SLC6A7: variants seen among roughly 807,000 people sequenced by gnomAD.
SLC6A7 encodes the protein solute carrier family 6 member 7, also known as sodium-dependent proline transporter.
SLC6A7 carries 58 observed loss-of-function variants against 73.1 expected under a neutral mutation model. The ratio of observed to expected loss-of-function variants is 0.79; its 90% CI spans 0.64 to 0.99. The LOEUF (loss-of-function observed/expected upper bound fraction) is 0.99. Ranked by LOEUF, SLC6A7 falls within the 50% of genes least tolerant of loss-of-function variation. The probability of loss-of-function intolerance (pLI) is 0.00; values close to 1 mark genes in which losing one functional copy is unlikely to be tolerated. For missense variants in SLC6A7, 783 were observed against 831.4 expected, an observed-to-expected ratio of 0.94 and a Z score of 0.72; for synonymous variants, 338 against 338.7, an observed-to-expected ratio of 1.00 and a Z score of 0.02.
In SLC6A7 at chr5:150,202,603, C is replaced by A. The variant is rs1753442210; in HGVS notation, c.987C>A (p.Gly329=). ...IYRDTFIVTL[G]NAITSILAGF... ...GAGACACTTTCATCGTCACTCTGGG[C>A]AACGCCATCACCAGCATCCTGGCTG... is the stretch of plus-strand genomic sequence containing the variant. The change falls in exon 8 of 14, where the codon GGC becomes GGA. Residue 329 remains glycine (G), a synonymous_variant. Transcript: ENST00000230671. The A allele has an allele frequency of 6.2e-7, 1 of 1,614,212 alleles. No individual in the cohort carries two copies. The highest frequency in any genetic ancestry group is 8.5e-7 in the Non-Finnish European group (1 of 1,180,026).
In SLC6A7 at chr5:150,202,598, C is replaced by A; in HGVS notation, c.982C>A (p.Leu328Met). Residue 328 changes from leucine to methionine, a missense_variant, in exon 8 of 14, where the codon CTG becomes ATG. By Grantham distance (15) the Leu-to-Met change is conservative. Coordinates refer to ENST00000230671, the MANE Select transcript of SLC6A7 (RefSeq NM_014228.5). ...TGGTAGAGACACTTTCATCGTCACT[C>A]TGGGCAACGCCATCACCAGCATCCT... is the stretch of plus-strand genomic sequence containing the variant. ...NIYRDTFIVT[L>M]GNAITSILAG... 1 of 1,614,230 alleles carries A rather than the reference C, an allele frequency of 6.2e-7. No homozygotes were observed. Among genetic ancestry groups the A allele is most frequent in the Non-Finnish European group, 8.5e-7 (1 of 1,180,024 alleles).
chr5:150,209,269 C>G, intron 13 of SLC6A7, 137 bp from the exon 14 acceptor site: 1 of 715,358 alleles, frequency 1.4e-6, no homozygotes, highest in Non-Finnish European at 2.4e-6. Flanking sequence ...ATAGTGCCCC[C>G]CACTTCCCCG....
intron 8 of SLC6A7, 83 bp from the exon 9 acceptor site, chr5:150,203,584 G>C: frequency 1.4e-6 from 1 of 727,162 alleles, no homozygotes; most frequent in Non-Finnish European, 2.5e-6. Flanking sequence ...CCAAATGAGT[G>C]TAAGTGGCCG....
intron 5 of SLC6A7, among the ~76,000 whole-genome samples, chr5:150,200,585 G>A (rs141258495): frequency 2.6e-5 from 4 of 152,178 alleles, no homozygotes; most frequent in Non-Finnish European, 2.9e-5. Flanking sequence ...AGGTGCAGAC[G>A]ATACCAGAAG....
In SLC6A7 at chr5:150,209,647, C is replaced by A; in HGVS notation, c.*32C>A. On this transcript the variant is annotated 3_prime_UTR_variant, in exon 14 of 14. Transcript: ENST00000230671. ...AGGCAGGCGGGCAGAAGGCCCTGCC[C>A]GGGACCTCACAGTCCCTTCTTAGAA... 2.7e-6 allele frequency: 4 copies of A among 1,508,710 alleles called. No homozygotes were observed. The highest frequency in any genetic ancestry group is 1.2e-5 in the South Asian group (1 of 84,158). 93.5% of individuals were successfully genotyped at this position (1,508,710 alleles called of 1,614,324 possible). A position where few individuals can be genotyped will look rare whatever the true frequency, so the allele number is the denominator to read the frequency against.
In SLC6A7 at chr5:150,190,195, G is replaced by A. The variant is rs547415577; in HGVS notation, c.-133G>A. ...ACGCCCGCAGCCGCCAGACGGCAGCGCCTGCGTCCGTGCCCGCCCCAGCCG... is the reference window on the plus strand; with the variant it reads ...ACGCCCGCAGCCGCCAGACGGCAGCACCTGCGTCCGTGCCCGCCCCAGCCG... On this transcript the variant is annotated 5_prime_UTR_variant, in exon 1 of 14. Transcript: ENST00000230671. The A allele has an allele frequency of 5.9e-6, 4 of 673,858 alleles. No homozygotes were observed. Among genetic ancestry groups the A allele is most frequent in the Non-Finnish European group, 9.3e-6 (4 of 429,126 alleles). The allele number at this position is 673,858 out of a possible 1,614,324, so 41.7% of individuals were successfully genotyped here.
intron 1 of SLC6A7, among the ~76,000 whole-genome samples, chr5:150,193,424 G>A (rs1752872688): frequency 6.6e-6 from 1 of 152,168 alleles, no homozygotes; most frequent in Non-Finnish European, 1.5e-5. Flanking sequence ...CTGCTCATGA[G>A]CCAAAATTCA....
Position 150,197,215 on chromosome 5 carries a change from G to A in SLC6A7, c.523G>A (p.Gly175Ser), listed in dbSNP as rs541709107. 268 of 1,613,788 alleles carry A rather than the reference G, an allele frequency of 1.7e-4. 3 individuals are homozygous for A. In the South Asian group the frequency reaches 2.5e-3, roughly 15 times the overall value. The change falls in exon 4 of 14, where the codon GGC (glycine) becomes AGC (serine). Residue 175 changes from glycine (G) to serine (S), a missense_variant. Physicochemically the swap from Gly to Ser is moderately conservative, Grantham distance 56 (BLOSUM62 0). Transcript: ENST00000230671. The part of the protein sequence containing the change: ...LCLEHRVSKD[G>S]NGALPLNLTC... ...CCTGGAGCACAGAGTCTCCAAGGAC[G>A]GCAACGGGGCCCTGCCCCTCAACCT...
chr5:150,205,493 CG>C lies in SLC6A7; in HGVS notation c.1573del (p.Glu525SerfsTer17), dbSNP rs1381041324. 2 of 1,612,606 alleles carry C rather than the reference CG, an allele frequency of 1.2e-6. No individual in the cohort carries two copies. The highest frequency in any genetic ancestry group is 1.7e-6 in the Non-Finnish European group (2 of 1,179,232). On this transcript the variant is annotated frameshift_variant, in exon 13 of 14. Transcript: ENST00000230671. LOFTEE classifies it high-confidence loss of function. ...MVYSIVKYQPSEYGSYRFPPW... is the reference protein window; with the variant it reads ...MVYSIVKYQPXEYGSYRFPPW... Reference sequence around the variant, plus strand: ...TATAGCATCGTCAAGTACCAGCCCTCGGAGTATGGCAGTTACCGCTTCCCGC... The same window carrying C: ...TATAGCATCGTCAAGTACCAGCCCTCGAGTATGGCAGTTACCGCTTCCCGC...
chr5:150,205,720 A>C, intron 13 of SLC6A7, 97 bp downstream of exon 13: 2 of 1,087,244 alleles, frequency 1.8e-6, no homozygotes, highest in Non-Finnish European at 2.6e-6. Flanking sequence ...CCCACCCCTT[A>C]TCCAGCTTCT....
chr5:150,190,401 G>A, intron 1 of SLC6A7, 41 bp downstream of exon 1: 5 of 1,399,088 alleles, frequency 3.6e-6, no homozygotes, highest in South Asian at 1.4e-5. Context: ...GCACCTGGAG[G>A]AGGGTTGGAG....
intron 6 of SLC6A7, 30 bp downstream of exon 6, chr5:150,201,253 A>C: frequency 6.3e-7 from 1 of 1,579,564 alleles, no homozygotes; most frequent in Non-Finnish European, 8.6e-7. Flanking sequence ...GTGCAGAGGG[A>C]GGGGCCAGGC....
chr5:150,196,887 G>T, intron 3 of SLC6A7, 40 bp downstream of exon 3: 1 of 1,597,546 alleles, frequency 6.3e-7, no homozygotes, highest in East Asian at 2.2e-5. Context: ...AGGGCTCAGG[G>T]TCTGGGGGAG....
At chr5:150,193,427 A>C (rs1001179314) in intron 1 of SLC6A7, among the ~76,000 whole-genome samples, 1 of 152,214 alleles carries the variant, frequency 6.6e-6, no homozygotes, top group Admixed American at 6.5e-5. Flanking sequence ...CTCATGAGCC[A>C]AAATTCACAA....
At chr5:150,201,261 G>A (rs1381317522) in intron 6 of SLC6A7, 38 bp downstream of exon 6, 3 of 1,555,248 alleles carry the variant, frequency 1.9e-6, no homozygotes, top group African/African-American at 2.7e-5. Flanking sequence ...GGAGGGGCCA[G>A]GCCTGAGCTG....
At chr5:150,207,599 T>C (rs961656817) in intron 13 of SLC6A7, among the ~76,000 whole-genome samples, 1 of 152,184 alleles carries the variant, frequency 6.6e-6, no homozygotes, top group African/African-American at 2.4e-5. Flanking sequence ...CAATATAGTC[T>C]GCATTGTGAA....
chr5:150,193,487 C>G (rs906911948), intron 1 of SLC6A7, among the ~76,000 whole-genome samples: 9 of 152,134 alleles, frequency 5.9e-5, no homozygotes, highest in African/African-American at 2.2e-4. Context: ...GGGGTTTGAC[C>G]CCCCCAGCCA....
chr5:150,204,535 G>A lies in SLC6A7; in HGVS notation c.1336G>A (p.Gly446Ser). 6.2e-7 allele frequency: 1 copy of A among 1,612,892 alleles called. No individual in the cohort carries two copies. The highest frequency in any genetic ancestry group is 8.5e-7 in the Non-Finnish European group (1 of 1,178,866). The change falls in exon 11 of 14, where the codon GGC becomes AGC. Residue 446 changes from glycine (G) to serine (S), a missense_variant. Gly to Ser is a moderately conservative substitution (Grantham distance 56). Coordinates refer to ENST00000230671, the MANE Select transcript of SLC6A7 (RefSeq NM_014228.5). The stretch of plus-strand genomic sequence containing the variant: ...CAGAACTGTGCTTGTGTTTTAGGGG[G>A]GCATGTACTGGCTGGTCCTTCTGGA... ...LMGLILTTDG[G>S]MYWLVLLDDY... is the part of the protein sequence containing the mutation.
At chr5:150,198,110 A>AGAAAGAAAG (rs1554115640) in intron 4 of SLC6A7, among the ~76,000 whole-genome samples, 1 of 93,558 alleles carries the variant, frequency 1.1e-5, no homozygotes, top group African/African-American at 5.0e-5. Context: ...AAAGAAAGAA[A>AGAAAGAAAG]GAAAGAGAAA....
Sources: gnomAD v4.1 joint callset for allele counts (sites outside exome capture counted in the v4.1 genomes callset) on GRCh38, gnomAD v4.1.1 for gene constraint, MANE v1.5 for transcripts, NCBI Gene and HGNC (gene_info 2026-07-23, HGNC 2026-07-21) for gene names.